NRXN1: variants seen among roughly 807,000 people sequenced by gnomAD.
NRXN1 encodes neurexin 1.
A neutral mutation model predicts 150.9 loss-of-function variants in NRXN1; 39 were observed. The ratio of observed to expected loss-of-function variants is 0.26; its 90% CI spans 0.20 to 0.34. The LOEUF (loss-of-function observed/expected upper bound fraction) is 0.34. Ranked by LOEUF, NRXN1 falls within the 10% of genes least tolerant of loss-of-function variation. NRXN1 has a pLI of 1.00. For missense variants in NRXN1, 1,815 were observed against 1,949.9 expected (o/e 0.93, Z 1.30); for synonymous variants, 924 against 757.0 (o/e 1.22, Z -3.62).
chr2:50,050,718 C>G (rs971261809), intron 21 of NRXN1, among the ~76,000 whole-genome samples: 1 of 151,854 alleles, frequency 6.6e-6, no homozygotes, highest in African/African-American at 2.4e-5. Flanking sequence ...AAGTCAATTA[C>G]GAATTATGGA....
At chr2:50,357,298 A>T (rs1390151311) in intron 17 of NRXN1, among the ~76,000 whole-genome samples, 4 of 150,526 alleles carry the variant, frequency 2.7e-5, no homozygotes, top group African/African-American at 4.9e-5. Flanking sequence ...TTATTTATTT[A>T]TTTATTTTTT....
At chr2:50,655,933 A>T (rs72885676) in intron 5 of NRXN1, among the ~76,000 whole-genome samples, 2,611 of 152,098 alleles carry the variant, frequency 0.017, 91 homozygotes, top group African/African-American at 0.06. Context: ...TGGTGTAATT[A>T]AACTCAAATC....
chr2:50,466,603 G>A (rs2088889477), intron 16 of NRXN1: 9 of 423,084 alleles, frequency 2.1e-5, no homozygotes, highest in South Asian at 1.4e-4. Flanking sequence ...TGTAAAGAGG[G>A]AGAAAAATGC....
intron 19 of NRXN1, among the ~76,000 whole-genome samples, chr2:50,089,835 A>C (rs1300942733): frequency 6.6e-6 from 1 of 152,160 alleles, no homozygotes; most frequent in Non-Finnish European, 1.5e-5. Flanking sequence ...TTGAAATTGC[A>C]CATTTATACT....
chr2:50,734,084 G>C (rs1411959917), intron 5 of NRXN1, among the ~76,000 whole-genome samples: 2 of 152,118 alleles, frequency 1.3e-5, no homozygotes, highest in Non-Finnish European at 2.9e-5. Context: ...AATTTTGGTT[G>C]TCACAACTAA....
At chr2:50,181,314 C>CAA (rs5831096) in intron 18 of NRXN1, among the ~76,000 whole-genome samples, 12 of 150,322 alleles carry the variant, frequency 8.0e-5, no homozygotes, top group African/African-American at 2.7e-4. Context: ...TCCTCTGAGG[C>CAA]AAAAAAAAAA....
intron 17 of NRXN1, among the ~76,000 whole-genome samples, chr2:50,401,188 C>T (rs537533248): frequency 6.6e-6 from 1 of 152,276 alleles, no homozygotes; most frequent in Non-Finnish European, 1.5e-5. Flanking sequence ...CTCATTCACA[C>T]TCAATGTGGG....
chr2:50,965,648 G>A (rs1405692423), intron 2 of NRXN1, among the ~76,000 whole-genome samples: 1 of 151,248 alleles, frequency 6.6e-6, no homozygotes, highest in East Asian at 1.9e-4. Flanking sequence ...AATATTTTAT[G>A]GATATTTTGA....
chr2:50,983,179 T>G (rs1006499270), intron 2 of NRXN1, among the ~76,000 whole-genome samples: 9 of 152,210 alleles, frequency 5.9e-5, no homozygotes, highest in Non-Finnish European at 8.8e-5. Context: ...TTCCACTTTT[T>G]GCCATTTATT....
intron 2 of NRXN1, among the ~76,000 whole-genome samples, chr2:51,023,733 A>G (rs1170248063): frequency 1.3e-5 from 2 of 152,180 alleles, no homozygotes; most frequent in Non-Finnish European, 2.9e-5. Flanking sequence ...TGGTACACAA[A>G]ACAATCAGTA....
At chr2:50,849,180 A>G (rs1674137042) in intron 5 of NRXN1, among the ~76,000 whole-genome samples, 1 of 152,194 alleles carries the variant, frequency 6.6e-6, no homozygotes, top group African/African-American at 2.4e-5. Context: ...ATTTAATTTT[A>G]TAAGTGGGCA....
chr2:50,925,026 C>A, intron 3 of NRXN1, among the ~76,000 whole-genome samples: 1 of 151,778 alleles, frequency 6.6e-6, no homozygotes, highest in East Asian at 1.9e-4. Flanking sequence ...TAAATGCTGT[C>A]TTCCCATATA....
intron 18 of NRXN1, among the ~76,000 whole-genome samples, chr2:50,135,411 G>T (rs1706235735): frequency 6.6e-6 from 1 of 152,220 alleles, no homozygotes; most frequent in South Asian, 2.1e-4. Flanking sequence ...AAAAGAAGCT[G>T]CCCAATCGCG....
chr2:50,772,666 C>T (rs1036804142), intron 5 of NRXN1, among the ~76,000 whole-genome samples: 2 of 152,012 alleles, frequency 1.3e-5, no homozygotes, highest in African/African-American at 2.4e-5. Flanking sequence ...AATTACAACA[C>T]CTAATTTGTT....
At chr2:50,013,965 A>G (rs1686143441) in intron 21 of NRXN1, among the ~76,000 whole-genome samples, 1 of 152,076 alleles carries the variant, frequency 6.6e-6, no homozygotes, top group Non-Finnish European at 1.5e-5. Flanking sequence ...TTATTTGGAG[A>G]TAAGCCTTGA....
intron 18 of NRXN1, among the ~76,000 whole-genome samples, chr2:50,236,310 C>A (rs1196998643): frequency 6.6e-6 from 1 of 151,978 alleles, no homozygotes; most frequent in Non-Finnish European, 1.5e-5. Context: ...TTTCACATCC[C>A]CAAGTATCCT....
chr2:50,894,752 T>C (rs981691955), intron 5 of NRXN1, among the ~76,000 whole-genome samples: 1 of 152,164 alleles, frequency 6.6e-6, no homozygotes, highest in African/African-American at 2.4e-5. Context: ...GTTATATTAC[T>C]GAATCCAGTG....
intron 2 of NRXN1, among the ~76,000 whole-genome samples, chr2:50,956,445 T>C (rs182145312): frequency 1.8e-4 from 28 of 152,154 alleles, no homozygotes; most frequent in African/African-American, 6.3e-4. Context: ...TTAAAACAAA[T>C]ACACTTTAAA....
chr2:50,821,461 A>T (rs1024586921), intron 5 of NRXN1, among the ~76,000 whole-genome samples: 4 of 152,160 alleles, frequency 2.6e-5, no homozygotes, highest in African/African-American at 9.7e-5. Flanking sequence ...ATGTGCTTAA[A>T]TCTTCCCATC....
Sources: allele counts gnomAD v4.1 joint callset (sites outside exome capture counted in the v4.1 genomes callset), GRCh38; gene constraint gnomAD v4.1.1; transcripts MANE v1.5; gene names NCBI Gene and HGNC (gene_info 2026-07-23, HGNC 2026-07-21).